Variants in NXPH1 observed in about 807,000 individuals in gnomAD.
The protein encoded by NXPH1 is neurexophilin 1.
NXPH1 carries 5 observed loss-of-function variants against 23.7 expected under a neutral mutation model. The observed-to-expected ratio is 0.21, with a 90% CI of 0.11 to 0.44. The LOEUF is 0.44. NXPH1 is among the 20% of genes least tolerant of loss of function. The pLI, the probability that NXPH1 is intolerant of heterozygous loss-of-function variation, is 0.99. For synonymous variants in NXPH1, 144 were observed against 122.2 expected, an observed-to-expected ratio of 1.18 and a Z score of -1.18; for missense variants, 324 against 321.6, an observed-to-expected ratio of 1.01 and a Z score of -0.06.
At chr7:8,443,241 T>C (rs1003476096) in intron 2 of NXPH1, among the ~76,000 whole-genome samples, 2 of 152,228 alleles carry the variant, frequency 1.3e-5, no homozygotes, top group Non-Finnish European at 2.9e-5. Context: ...CCACACTCAG[T>C]GGTTGCGGCG....
chr7:8,575,034 T>A (rs1238505097), intron 2 of NXPH1, among the ~76,000 whole-genome samples: 1 of 152,176 alleles, frequency 6.6e-6, no homozygotes, highest in Non-Finnish European at 1.5e-5. Context: ...AAATCTAAAA[T>A]GTAAATAGCT....
chr7:8,590,249 G>A (rs1422215349), intron 2 of NXPH1, among the ~76,000 whole-genome samples: 3 of 152,118 alleles, frequency 2.0e-5, no homozygotes, highest in Non-Finnish European at 4.4e-5. Context: ...TGCATCCAGA[G>A]TTCTCTACTT....
intron 2 of NXPH1, among the ~76,000 whole-genome samples, chr7:8,447,867 C>A (rs995705820): frequency 6.6e-6 from 1 of 152,196 alleles, no homozygotes; most frequent in African/African-American, 2.4e-5. Context: ...AAGCCACGTG[C>A]CTCCAGGTGG....
At chr7:8,666,424 A>G (rs1456320220) in intron 2 of NXPH1, among the ~76,000 whole-genome samples, 1 of 151,970 alleles carries the variant, frequency 6.6e-6, no homozygotes, top group Non-Finnish European at 1.5e-5. Flanking sequence ...TATGCTGCAT[A>G]AGTTCTTTGC....
chr7:8,686,279 C>G (rs1045552697), intron 2 of NXPH1, among the ~76,000 whole-genome samples: 1 of 152,000 alleles, frequency 6.6e-6, no homozygotes, highest in Non-Finnish European at 1.5e-5. Context: ...TTGGATGTTT[C>G]TTTCCTTACG....
chr7:8,670,834 T>G (rs1820857646), intron 2 of NXPH1, among the ~76,000 whole-genome samples: 2 of 152,208 alleles, frequency 1.3e-5, no homozygotes, highest in Non-Finnish European at 1.5e-5. Context: ...TTTCAAGGAT[T>G]TGTGGTCTGG....
At chr7:8,517,892 C>A (rs907713455) in intron 2 of NXPH1, among the ~76,000 whole-genome samples, 4 of 152,114 alleles carry the variant, frequency 2.6e-5, no homozygotes, top group African/African-American at 9.7e-5. Context: ...TGCCTGGGAC[C>A]ATGTTTTGGT....
chr7:8,595,282 A>G (rs73237608), intron 2 of NXPH1, among the ~76,000 whole-genome samples: 5,369 of 152,152 alleles, frequency 0.035, 320 homozygotes, highest in African/African-American at 0.12. Flanking sequence ...AAGAAAATAT[A>G]AAATAAAGAC....
rs190252609 is a variant in NXPH1 at position 8,675,667 on chromosome 7, T to C, written c.55-75341T>C. ...ATGCTAGGGGAGCACCTCGGACAGA[T>C]AGAGTGATGATGGTTAACATCTGTG... is the stretch of plus-strand genomic sequence containing the variant. On this transcript the variant is annotated intron_variant, in intron 2 of 2. Coordinates refer to ENST00000405863, the MANE Select transcript of NXPH1 (RefSeq NM_152745.3). Among the ~76,000 whole-genome samples, 168 of 152,200 alleles carry C rather than the reference T, an allele frequency of 1.1e-3. 1 individual carries two copies. Among genetic ancestry groups the C allele is most frequent in the African/African-American group, 3.7e-3 (152 of 41,540 alleles).
rs780350749 is a variant in NXPH1, at chr7:8,435,807, C to T, written c.54+40C>T. ...GTTCGGGGCTTTCGCATTTTTACCC[C>T]GGCCGGGAGGCAAGGAAACTGGGGA... On this transcript the variant is annotated intron_variant, in intron 2 of 2. Coordinates refer to ENST00000405863, the MANE Select transcript of NXPH1 (RefSeq NM_152745.3). The surrounding 1 kb of genome is among the most constrained non-coding windows in gnomAD (Gnocchi z 5.9). 1 of 1,598,682 alleles carries T rather than the reference C, an allele frequency of 6.3e-7. No homozygotes were observed. Among genetic ancestry groups the T allele is most frequent in the Non-Finnish European group, 8.6e-7 (1 of 1,166,262 alleles).
At chr7:8,615,916 AG>A (rs1224220329) in intron 2 of NXPH1, among the ~76,000 whole-genome samples, 1 of 152,098 alleles carries the variant, frequency 6.6e-6, no homozygotes, top group Non-Finnish European at 1.5e-5. Context: ...AAAGTATAAG[AG>A]GTAAACAGGT....
chr7:8,683,840 G>T (rs1019542216), intron 2 of NXPH1, among the ~76,000 whole-genome samples: 1 of 152,082 alleles, frequency 6.6e-6, no homozygotes, highest in Non-Finnish European at 1.5e-5. Flanking sequence ...GGAATTTAGA[G>T]ATTAATAGAG....
chr7:8,671,947 T>C lies in NXPH1; in HGVS notation c.55-79061T>C, dbSNP rs189428189. The stretch of plus-strand genomic sequence containing the variant: ...CTTTGCCCACTTTTTGATGGGGTTG[T>C]TTGTTTTTTTCTTGTAAATTTGTTT... On this transcript the variant is annotated intron_variant, in intron 2 of 2. Transcript: ENST00000405863. Among the ~76,000 whole-genome samples, 1,038 of 152,272 alleles carry C rather than the reference T, an allele frequency of 6.8e-3. 13 individuals are homozygous for C. The highest frequency in any genetic ancestry group is 0.024 in the African/African-American group (993 of 41,556).
chr7:8,597,726 G>A (rs1392207691), intron 2 of NXPH1, among the ~76,000 whole-genome samples: 1 of 126,552 alleles, frequency 7.9e-6, no homozygotes, highest in African/African-American at 2.9e-5. Flanking sequence ...GGGGGGCAGT[G>A]TGGGGAGCAG....
chr7:8,653,968 C>T (rs578087806), intron 2 of NXPH1, among the ~76,000 whole-genome samples: 1 of 152,256 alleles, frequency 6.6e-6, no homozygotes, highest in East Asian at 1.9e-4. Context: ...GTTAACTTTG[C>T]TTGGATTTCA....
At chr7:8,502,295 A>C (rs1322256845) in intron 2 of NXPH1, among the ~76,000 whole-genome samples, 1 of 152,042 alleles carries the variant, frequency 6.6e-6, no homozygotes, top group Non-Finnish European at 1.5e-5. Context: ...AGCAAATATT[A>C]GTTTTTCTTT....
intron 2 of NXPH1, among the ~76,000 whole-genome samples, chr7:8,583,554 T>A (rs1197630032): frequency 6.6e-6 from 1 of 152,182 alleles, no homozygotes; most frequent in Non-Finnish European, 1.5e-5. Flanking sequence ...CATCTTACAG[T>A]GGGAGAGACT....
intron 2 of NXPH1, among the ~76,000 whole-genome samples, chr7:8,726,210 T>C (rs960660334): frequency 7.9e-5 from 12 of 152,098 alleles, no homozygotes; most frequent in African/African-American, 2.2e-4. Context: ...TAGGTACAAA[T>C]GTCTTACATA....
chr7:8,585,409 A>G (rs181090195), intron 2 of NXPH1, among the ~76,000 whole-genome samples: 3 of 150,322 alleles, frequency 2.0e-5, no homozygotes, highest in African/African-American at 2.5e-5. Context: ...TGGCTTTACT[A>G]TAACGTAATT....
Sources: gnomAD v4.1 joint callset for allele counts (sites outside exome capture counted in the v4.1 genomes callset) on GRCh38, gnomAD v4.1.1 for gene constraint, Gnocchi (gnomAD v3.1) non-coding constraint, MANE v1.5 for transcripts, NCBI Gene and HGNC (gene_info 2026-07-23, HGNC 2026-07-21) for gene names.